The following UVRAG variants were observed in gnomAD, a reference collection of about 807,000 sequenced individuals.
The protein encoded by UVRAG is UV radiation resistance associated, also known as UV radiation resistance-associated gene protein.
UVRAG carries 19 observed loss-of-function variants against 78.0 expected under a neutral mutation model. That is an observed-to-expected ratio of 0.24 (90% CI 0.17 to 0.36). The LOEUF (loss-of-function observed/expected upper bound fraction) is 0.36. Among genes scored for constraint, UVRAG ranks in the 10% least tolerant of loss-of-function variants. The pLI, the probability that UVRAG is intolerant of heterozygous loss-of-function variation, is 1.00. For synonymous variants in UVRAG, 323 were observed against 324.6 expected (o/e 1.00, Z 0.05); for missense variants, 740 against 853.8 (o/e 0.87, Z 1.66).
chr11:75,875,580 A>G (rs1234116516), intron 3 of UVRAG, among the ~76,000 whole-genome samples: 2 of 144,434 alleles, frequency 1.4e-5, no homozygotes, highest in Non-Finnish European at 3.0e-5. Flanking sequence ...CTAAATGCGT[A>G]TCAGATCTTT....
rs140217190 is a variant in UVRAG, at chr11:75,920,008, G to GTTTTTTTTTTTTTTTTTTTTT, written c.593+7984_593+8004dup. 5.4e-5 allele frequency among the ~76,000 whole-genome samples: 3 copies of GTTTTTTTTTTTTTTTTTTTTT among 55,492 alleles called. 1 individual carries two copies. The highest frequency in any genetic ancestry group is 3.6e-4 in the Admixed American group (1 of 2,780). 36.4% of individuals were successfully genotyped at this position (55,492 alleles called of 152,430 possible). On this transcript the variant is annotated intron_variant, in intron 6 of 14. Transcript: ENST00000356136. ...CAAAATTTAAAATAAAATAATTTTG[G>GTTTTTTTTTTTTTTTTTTTTT]TTTTTTTTTTTTTTTTTTTTTTTTT...
intron 3 of UVRAG, among the ~76,000 whole-genome samples, chr11:75,867,289 G>C (rs999883924): frequency 1.3e-5 from 2 of 152,096 alleles, no homozygotes; most frequent in African/African-American, 4.8e-5. Context: ...AATATTTTCA[G>C]CTCTTAAAAA....
chr11:75,854,473 G>A (rs1412268116), intron 2 of UVRAG, among the ~76,000 whole-genome samples: 1 of 152,106 alleles, frequency 6.6e-6, no homozygotes, highest in African/African-American at 2.4e-5. Context: ...CTGGAGTGCA[G>A]TGGTGCCATC....
At chr11:75,901,548 TC>T (rs1226421398) in intron 5 of UVRAG, among the ~76,000 whole-genome samples, 1 of 152,178 alleles carries the variant, frequency 6.6e-6, no homozygotes, top group Non-Finnish European at 1.5e-5. Flanking sequence ...CTGCTGTGTT[TC>T]TTAGTGAAGT....
intron 13 of UVRAG, among the ~76,000 whole-genome samples, chr11:76,104,537 G>A (rs1951937201): frequency 6.6e-6 from 1 of 152,146 alleles, no homozygotes; most frequent in Non-Finnish European, 1.5e-5. Context: ...AACAGCTGTA[G>A]CACTATTTTC....
intron 12 of UVRAG, among the ~76,000 whole-genome samples, chr11:76,062,985 G>C (rs1384505596): frequency 6.6e-6 from 1 of 152,124 alleles, no homozygotes; most frequent in Non-Finnish European, 1.5e-5. Context: ...GAGCTGCTCT[G>C]CTTCTGTTAC....
At chr11:75,886,828 A>C (rs1947087943) in intron 4 of UVRAG, among the ~76,000 whole-genome samples, 1 of 149,660 alleles carries the variant, frequency 6.7e-6, no homozygotes, top group Non-Finnish European at 1.5e-5. Context: ...TTGAACTTTC[A>C]CTTAAAACCT....
intron 11 of UVRAG, among the ~76,000 whole-genome samples, chr11:76,014,215 T>C (rs2135362600): frequency 6.6e-6 from 1 of 152,348 alleles, no homozygotes; most frequent in East Asian, 1.9e-4. Context: ...TATAATTCTT[T>C]AGCAGTCCTC....
At chr11:75,993,274 G>A (rs1417083898) in intron 8 of UVRAG, among the ~76,000 whole-genome samples, 2 of 152,178 alleles carry the variant, frequency 1.3e-5, no homozygotes, top group East Asian at 1.9e-4. Flanking sequence ...TTTTATCCAC[G>A]CTGCTGACTT....
At chr11:76,025,492 T>C in intron 12 of UVRAG, among the ~76,000 whole-genome samples, 1 of 152,290 alleles carries the variant, frequency 6.6e-6, no homozygotes, top group East Asian at 1.9e-4. Context: ...GCAGGCACTT[T>C]TGAAACTTTC....
chr11:76,138,756 C>T (rs1364749659), intron 14 of UVRAG, among the ~76,000 whole-genome samples: 1 of 152,222 alleles, frequency 6.6e-6, no homozygotes, highest in Non-Finnish European at 1.5e-5. Context: ...CTGGTGCTTC[C>T]ACCCCTCGTG....
intron 6 of UVRAG, among the ~76,000 whole-genome samples, chr11:75,948,064 C>T (rs564460171): frequency 2.0e-5 from 3 of 152,068 alleles, no homozygotes; most frequent in African/African-American, 7.2e-5. Context: ...TTATTTAAAT[C>T]GCCCTGAGCT....
chr11:76,100,596 A>G (rs1951862347), intron 13 of UVRAG, among the ~76,000 whole-genome samples: 2 of 152,160 alleles, frequency 1.3e-5, no homozygotes, highest in South Asian at 2.1e-4. Flanking sequence ...CAAATTTAGC[A>G]GTTTAAACAA....
intron 14 of UVRAG, among the ~76,000 whole-genome samples, chr11:76,117,539 A>G (rs1952203549): frequency 6.6e-6 from 1 of 152,246 alleles, no homozygotes; most frequent in Admixed American, 6.5e-5. Context: ...TGAGAATGAA[A>G]TAAAAATCAA....
In UVRAG at chr11:75,927,789, A is replaced by AAT. The variant is rs537227357; in HGVS notation, c.593+15752_593+15753dup. On this transcript the variant is annotated intron_variant, in intron 6 of 14. Transcript: ENST00000356136. ...AGGAATGAGTTTGGTTTGTTACAAG[A>AAT]ATAGCTAGGTGGTCAGTCTAGTTTG... 2.6e-5 allele frequency among the ~76,000 whole-genome samples: 4 copies of AAT among 152,362 alleles called. No homozygotes were observed. In the South Asian group the frequency reaches 8.3e-4, roughly 32 times the overall value.
At chr11:75,820,061 C>A (rs1945351508) in intron 1 of UVRAG, among the ~76,000 whole-genome samples, 1 of 152,144 alleles carries the variant, frequency 6.6e-6, no homozygotes, top group Non-Finnish European at 1.5e-5. Context: ...ACTGAGGCCT[C>A]AACCTCCTGG....
At chr11:76,032,415 A>G (rs1950452368) in intron 12 of UVRAG, among the ~76,000 whole-genome samples, 1 of 152,224 alleles carries the variant, frequency 6.6e-6, no homozygotes, top group Non-Finnish European at 1.5e-5. Context: ...TCTCTAATTC[A>G]TTGAAAATGA....
At chr11:76,117,950 C>T (rs1952213130) in intron 14 of UVRAG, among the ~76,000 whole-genome samples, 1 of 152,202 alleles carries the variant, frequency 6.6e-6, no homozygotes, top group Non-Finnish European at 1.5e-5. Context: ...AGCTAACCTC[C>T]ATATCTGTTA....
intron 11 of UVRAG, among the ~76,000 whole-genome samples, chr11:76,016,437 T>G (rs1242778119): frequency 6.6e-6 from 1 of 152,172 alleles, no homozygotes; most frequent in Non-Finnish European, 1.5e-5. Flanking sequence ...AACCACTGTA[T>G]AGTGTGTTAA....
Sources: allele counts gnomAD v4.1 joint callset (sites outside exome capture counted in the v4.1 genomes callset), GRCh38; gene constraint gnomAD v4.1.1; transcripts MANE v1.5; gene names NCBI Gene and HGNC (gene_info 2026-07-23, HGNC 2026-07-21).